Variants in ZFP28 observed in about 807,000 individuals in gnomAD.
The protein encoded by ZFP28 is zinc finger protein 28 homolog.
A neutral mutation model predicts 39.5 loss-of-function variants in ZFP28; 31 were observed. The ratio of observed to expected loss-of-function variants is 0.79; its 90% CI spans 0.59 to 1.06. The LOEUF (loss-of-function observed/expected upper bound fraction) is 1.06, where lower values mean the gene tolerates loss of function less well. Ranked by LOEUF, ZFP28 falls within the 50% of genes least tolerant of loss-of-function variation. The pLI is 0.00. For synonymous variants in ZFP28, 400 were observed against 378.6 expected (o/e 1.06, Z -0.66); for missense variants, 925 against 1,048.4 (o/e 0.88, Z 1.63).
intron 2 of ZFP28, among the ~76,000 whole-genome samples, chr19:56,541,352 G>C (rs2044193717): frequency 6.6e-6 from 1 of 152,176 alleles, no homozygotes; most frequent in Non-Finnish European, 1.5e-5. Context: ...GAATCTGGCA[G>C]TTTTCATCAC....
Position 56,550,093 on chromosome 19 carries a change from T to A in ZFP28, c.714T>A (p.Ala238=). 2 of 1,612,704 alleles carry A rather than the reference T, an allele frequency of 1.2e-6. No individual in the cohort carries two copies. The highest frequency in any genetic ancestry group is 1.7e-6 in the Non-Finnish European group (2 of 1,179,514). ...QPGLVTIKNL[A]VDFRQQLHPA... ...GCTTGGTGACTATCAAAAACCTGGCTGTTGACTTCCGCCAGCAGCTACACC... is the reference window on the plus strand; with the variant it reads ...GCTTGGTGACTATCAAAAACCTGGCAGTTGACTTCCGCCAGCAGCTACACC... Residue 238 remains alanine, a synonymous_variant, in exon 6 of 8, where the codon GCT becomes GCA. Transcript: ENST00000301318.
At position 56,547,644 on chromosome 19, in the gene ZFP28, C is replaced by T; in HGVS notation, c.427+10C>T. ...AACCTGGCATCGCTGGGTAAGGGCT[C>T]CCACCCCTTTTCCCACCCCTCACCC... On this transcript the variant is annotated intron_variant, in intron 3 of 7. Transcript: ENST00000301318. This position sits in a 1 kb window ranked among gnomAD's most constrained non-coding sequence, Gnocchi z 4.6. The T allele has an allele frequency of 6.2e-7, 1 of 1,602,636 alleles. No homozygotes were observed. Among genetic ancestry groups the T allele is most frequent in the Non-Finnish European group, 8.5e-7 (1 of 1,173,828 alleles).
rs1354196284 is a variant in ZFP28, at chr19:56,550,099, C to G, written c.720C>G (p.Asp240Glu). 6.2e-7 allele frequency: 1 copy of G among 1,612,946 alleles called. No homozygotes were observed. Among genetic ancestry groups the G allele is most frequent in the East Asian group, 2.2e-5 (1 of 44,866 alleles). The change falls in exon 6 of 8, where the codon GAC (aspartate) becomes GAG (glutamate). Residue 240 changes from aspartate to glutamate, a missense_variant. By Grantham distance (45) the Asp-to-Glu change is conservative. This residue lies in a region of ZFP28 where 556 missense variants were observed against 542.9 expected (regional missense o/e 1.02). Transcript: ENST00000301318. The part of the protein sequence containing the change: ...GLVTIKNLAV[D>E]FRQQLHPAQK... ...TGACTATCAAAAACCTGGCTGTTGA[C>G]TTCCGCCAGCAGCTACACCCAGCTC...
intron 6 of ZFP28, 40 bp downstream of exon 6, chr19:56,550,221 G>C (rs766473275): frequency 6.5e-7 from 1 of 1,548,408 alleles, no homozygotes; most frequent in Non-Finnish European, 8.8e-7. Context: ...CTATCGTCGG[G>C]TACCTCCATT....
At chr19:56,549,663 C>G (rs951198429) in intron 5 of ZFP28, among the ~76,000 whole-genome samples, 1 of 150,830 alleles carries the variant, frequency 6.6e-6, no homozygotes, top group Non-Finnish European at 1.5e-5. Flanking sequence ...GGTGACAGAG[C>G]AAGACTCCGT....
At position 56,556,491 on chromosome 19, in the gene ZFP28, GT is replaced by G. The variant is rs1397009303; in HGVS notation, c.*1103del. On this transcript the variant is annotated 3_prime_UTR_variant, in exon 8 of 8. Coordinates refer to ENST00000301318, the MANE Select transcript of ZFP28 (RefSeq NM_020828.2). ...TCTGCTGCTTGTTTTTGTAAATAGA[GT>G]TTTATCAAACCACAGCCATGCTTAC... 3 of 152,138 alleles carry G rather than the reference GT, an allele frequency of 2.0e-5. No individual in the cohort carries two copies. The highest frequency in any genetic ancestry group is 4.4e-5 in the Non-Finnish European group (3 of 68,028). 9.4% of individuals were successfully genotyped at this position (152,138 alleles called of 1,614,324 possible). A position where few individuals can be genotyped will look rare whatever the true frequency, so the allele number is the denominator to read the frequency against.
intron 2 of ZFP28, among the ~76,000 whole-genome samples, chr19:56,543,167 CAA>C (rs1232984704): frequency 4.0e-5 from 6 of 151,734 alleles, no homozygotes; most frequent in African/African-American, 1.2e-4. Context: ...TGAATTTAAA[CAA>C]ATCTTTTTAG....
In ZFP28 at chr19:56,553,822, G is replaced by A. The variant is rs142808179; in HGVS notation, c.1037G>A (p.Gly346Glu). 1.9e-6 allele frequency: 3 copies of A among 1,613,982 alleles called. No individual in the cohort carries two copies. In the African/African-American group the frequency reaches 4.0e-5, roughly 22 times the overall value. ...AATTGGGATTCTGACTATGTGTTTG[G>A]AAGGAAGCTTGCAGTAGGTCAAGAG... ...RENWDSDYVF[G>E]RKLAVGQETQ... Residue 346 changes from glycine to glutamate, a missense_variant, in exon 8 of 8, where the codon GGA becomes GAA. By Grantham distance (98) the Gly-to-Glu change is moderately conservative. Around this residue, in one of 2 missense-constraint regions of ZFP28, gnomAD observed 556 missense variants for 542.9 expected, o/e 1.02. Transcript: ENST00000301318.
In ZFP28 at chr19:56,554,500, A is replaced by G; in HGVS notation, c.1715A>G (p.His572Arg). 2.5e-6 allele frequency: 4 copies of G among 1,614,256 alleles called. No homozygotes were observed. The highest frequency in any genetic ancestry group is 1.3e-5 in the African/African-American group (1 of 75,076). ...ECDVCRKAFSHHASLTQHQRV... is the reference protein window; with the variant it reads ...ECDVCRKAFSRHASLTQHQRV... ...GATGTTTGCAGAAAAGCCTTCAGCC[A>G]TCATGCATCACTCACTCAACATCAA... The change falls in exon 8 of 8, where the codon CAT becomes CGT. Residue 572 changes from histidine (H) to arginine (R), a missense_variant. Coordinates refer to ENST00000301318, the MANE Select transcript of ZFP28 (RefSeq NM_020828.2). This position sits in a 1 kb window ranked among gnomAD's most constrained non-coding sequence, Gnocchi z 6.7.
At chr19:56,548,489 A>C (rs1262034029) in intron 4 of ZFP28, 2 of 153,366 alleles carry the variant, frequency 1.3e-5, no homozygotes, top group Non-Finnish European at 2.9e-5. Context: ...GTATGTAGAG[A>C]TAGAGATGAA....
At chr19:56,539,738 T>C in intron 2 of ZFP28, 22 bp downstream of exon 2, 3 of 1,604,584 alleles carry the variant, frequency 1.9e-6, no homozygotes, top group Non-Finnish European at 2.6e-6. Flanking sequence ...TTTCATCTCT[T>C]GTCTCTGAAA....
chr19:56,550,523 T>A lies in ZFP28; in HGVS notation c.816T>A (p.Ala272=). The part of the protein sequence containing the change: ...SDLGSAGHCV[A]KPDLVSLLEQ... ...TCACTTTTTCAGGACATTGTGTGGC[T>A]AAGCCAGATTTAGTCTCTTTACTAG... Residue 272 remains alanine (A), a synonymous_variant, in exon 7 of 8, where the codon GCT becomes GCA. Coordinates refer to ENST00000301318, the MANE Select transcript of ZFP28 (RefSeq NM_020828.2). 4 of 1,614,054 alleles carry A rather than the reference T, an allele frequency of 2.5e-6. No homozygotes were observed. Among genetic ancestry groups the A allele is most frequent in the Middle Eastern group, 1.7e-4 (1 of 5,966 alleles).
chr19:56,553,467 G>A (rs1176784598), intron 7 of ZFP28, among the ~76,000 whole-genome samples: 2 of 152,138 alleles, frequency 1.3e-5, no homozygotes, highest in East Asian at 1.9e-4. Context: ...TCCGCCTCAA[G>A]TGATCTGCCT....
rs537111849 is a variant in ZFP28 at position 56,556,487 on chromosome 19, T to C, written c.*1095T>C. The stretch of plus-strand genomic sequence containing the variant: ...CCTATCTGCTGCTTGTTTTTGTAAA[T>C]AGAGTTTTATCAAACCACAGCCATG... On this transcript the variant is annotated 3_prime_UTR_variant, in exon 8 of 8. Coordinates refer to ENST00000301318, the MANE Select transcript of ZFP28 (RefSeq NM_020828.2). 1.2e-4 allele frequency: 18 copies of C among 152,302 alleles called. No individual in the cohort carries two copies. Among genetic ancestry groups the C allele is most frequent in the Non-Finnish European group, 1.8e-4 (12 of 68,020 alleles). The allele number at this position is 152,302 out of a possible 1,614,324, so 9.4% of individuals were successfully genotyped here.
chr19:56,543,068 T>C (rs2044209536), intron 2 of ZFP28, among the ~76,000 whole-genome samples: 1 of 152,152 alleles, frequency 6.6e-6, no homozygotes, highest in Admixed American at 6.5e-5. Flanking sequence ...AAGCTAGAAT[T>C]CATGTTTTGA....
In ZFP28 at chr19:56,539,177, C is replaced by T. The variant is rs769215555; in HGVS notation, c.159C>T (p.Leu53=). Residue 53 remains leucine, a synonymous_variant, in exon 1 of 8, where the codon CTC becomes CTT. Transcript: ENST00000301318. ...ARGRPRSRNG[L]ASKGQRGAAP... is the part of the protein sequence containing the mutation. ...GAAGGCCGCGCTCAAGGAATGGCCT[C>T]GCATCCAAAGGCCAGCGAGGAGCGG... The T allele has an allele frequency of 1.2e-5, 20 of 1,603,288 alleles. No individual in the cohort carries two copies. The highest frequency in any genetic ancestry group is 1.6e-5 in the Non-Finnish European group (19 of 1,178,052).
chr19:56,539,821 C>G (rs1267086414), intron 2 of ZFP28, 105 bp downstream of exon 2: 7 of 1,025,838 alleles, frequency 6.8e-6, no homozygotes, highest in Non-Finnish European at 1.0e-5. Context: ...CCTGTTTGGG[C>G]GCGGGTTTCT....
chr19:56,552,492 T>C (rs1473627462), intron 7 of ZFP28: 2 of 152,204 alleles, frequency 1.3e-5, no homozygotes, highest in African/African-American at 2.4e-5. Flanking sequence ...ATTCTATTCA[T>C]AGTGTGTTTA....
In ZFP28 at chr19:56,554,072, T is replaced by C. The variant is rs766177027; in HGVS notation, c.1287T>C (p.Phe429=). Residue 429 remains phenylalanine, a synonymous_variant, in exon 8 of 8, where the codon TTT becomes TTC. Transcript: ENST00000301318. This position sits in a 1 kb window ranked among gnomAD's most constrained non-coding sequence, Gnocchi z 6.7. ...LFKCNECKKT[F]TQSSSLTVHQ... is the part of the protein sequence containing the mutation. ...AGTGTAATGAATGTAAGAAAACTTT[T>C]ACCCAGAGCTCATCTCTTACTGTTC... 112 of 1,614,102 alleles carry C rather than the reference T, an allele frequency of 6.9e-5. 1 individual carries two copies. The highest frequency in any genetic ancestry group is 9.2e-5 in the Non-Finnish European group (108 of 1,180,038).
Sources: gnomAD v4.1 joint callset for allele counts (sites outside exome capture counted in the v4.1 genomes callset) on GRCh38, gnomAD v4.1.1 for gene constraint, gnomAD v4.1.1 regional missense constraint, Gnocchi (gnomAD v3.1) non-coding constraint, MANE v1.5 for transcripts, NCBI Gene and HGNC (gene_info 2026-07-23, HGNC 2026-07-21) for gene names.